The following TLCD5 variants were observed in gnomAD, a reference collection of about 807,000 sequenced individuals.
TLCD5 encodes the protein TLC domain-containing protein 5.
TLCD5 carries 15 observed loss-of-function variants against 20.5 expected under a neutral mutation model. That is an observed-to-expected ratio of 0.73 (90% CI 0.49 to 1.13). The LOEUF (loss-of-function observed/expected upper bound fraction) is 1.13. TLCD5 is among the 50% of genes most tolerant of loss of function. The pLI is 0.00. For synonymous variants in TLCD5, 107 were observed against 114.7 expected, an observed-to-expected ratio of 0.93 and a Z score of 0.43; for missense variants, 289 against 305.6, an observed-to-expected ratio of 0.95 and a Z score of 0.41.
intron 1 of TLCD5, among the ~76,000 whole-genome samples, chr11:120,326,543 G>A (rs568349982): frequency 2.2e-4 from 33 of 152,260 alleles, no homozygotes; most frequent in African/African-American, 7.9e-4. Context: ...CTTTTTATTT[G>A]TACGTTTCAA....
At chr11:120,326,438 A>G (rs1942003350) in intron 1 of TLCD5, among the ~76,000 whole-genome samples, 1 of 152,236 alleles carries the variant, frequency 6.6e-6, no homozygotes, top group Admixed American at 6.5e-5. Context: ...ACGTCCACAG[A>G]TAACTATTTC....
chr11:120,333,675 T>C lies in TLCD5; in HGVS notation c.*3160T>C, dbSNP rs999216285. ...AAATTTTATAAAAGTAAAACAACTT[T>C]TTATAAACCCAGAGTCTGTCTTTAT... On this transcript the variant is annotated 3_prime_UTR_variant, in exon 3 of 3. Coordinates refer to ENST00000375095, the MANE Select transcript of TLCD5 (RefSeq NM_001198671.2). This position sits in a 1 kb window ranked among gnomAD's most constrained non-coding sequence, Gnocchi z 4.5. 5.9e-5 allele frequency: 9 copies of C among 152,212 alleles called. No individual in the cohort carries two copies. Among genetic ancestry groups the C allele is most frequent in the Non-Finnish European group, 1.0e-4 (7 of 68,044 alleles). The allele number at this position is 152,212 out of a possible 1,614,324, so 9.4% of individuals were successfully genotyped here.
At position 120,327,076 on chromosome 11, in the gene TLCD5, C is replaced by T. The variant is rs114074366; in HGVS notation, c.-1-365C>T. Reference sequence around the variant, plus strand: ...CATTGGGGTTTTTGAACTGTGAAGACATTATTTAATACATGTGCTTTATTT... The same window carrying T: ...CATTGGGGTTTTTGAACTGTGAAGATATTATTTAATACATGTGCTTTATTT... On this transcript the variant is annotated intron_variant, in intron 1 of 2. Transcript: ENST00000375095. The T allele has an allele frequency of 3.3e-3, 1,139 of 349,776 alleles. 14 individuals are homozygous for T. The highest frequency in any genetic ancestry group is 0.023 in the African/African-American group (1,088 of 47,896). The allele number at this position is 349,776 out of a possible 1,614,324, so 21.7% of individuals were successfully genotyped here.
At chr11:120,328,507 A>G (rs1449124659) in intron 2 of TLCD5, among the ~76,000 whole-genome samples, 1 of 151,998 alleles carries the variant, frequency 6.6e-6, no homozygotes, top group Admixed American at 6.6e-5. Flanking sequence ...TCGGAGTTCA[A>G]GTTGTTAGCA....
In TLCD5 at chr11:120,333,560, A is replaced by G. The variant is rs888840000; in HGVS notation, c.*3045A>G. On this transcript the variant is annotated 3_prime_UTR_variant, in exon 3 of 3. Coordinates refer to ENST00000375095, the MANE Select transcript of TLCD5 (RefSeq NM_001198671.2). The surrounding 1 kb of genome is among the most constrained non-coding windows in gnomAD (Gnocchi z 4.5). ...GCTAATTAATGTGTGGTATACTTGGACAAAATGAAGTACTCATTTGCACTG... is the reference window on the plus strand; with the variant it reads ...GCTAATTAATGTGTGGTATACTTGGGCAAAATGAAGTACTCATTTGCACTG... The G allele has an allele frequency of 6.6e-6, 1 of 152,238 alleles. No homozygotes were observed. The highest frequency in any genetic ancestry group is 2.4e-5 in the African/African-American group (1 of 41,464). 9.4% of individuals were successfully genotyped at this position (152,238 alleles called of 1,614,324 possible). A position where few individuals can be genotyped will look rare whatever the true frequency, so the allele number is the denominator to read the frequency against.
At chr11:120,325,951 G>A (rs1019106523) in intron 1 of TLCD5, among the ~76,000 whole-genome samples, 5 of 152,202 alleles carry the variant, frequency 3.3e-5, no homozygotes, top group African/African-American at 1.2e-4. Context: ...ATACTAATAG[G>A]CATATCCAAA....
rs923511638 is a variant in TLCD5, at chr11:120,330,592, T to C, written c.*77T>C. 7 of 1,470,102 alleles carry C rather than the reference T, an allele frequency of 4.8e-6. No homozygotes were observed. The highest frequency in any genetic ancestry group is 5.5e-6 in the Non-Finnish European group (6 of 1,100,732). The allele number at this position is 1,470,102 out of a possible 1,614,324, so 91.1% of individuals were successfully genotyped here. ...GTTGGAAATATGACTGTTACATAAT[T>C]ACACTTATAACAAACTTAGGTTTCA... is the stretch of plus-strand genomic sequence containing the variant. On this transcript the variant is annotated 3_prime_UTR_variant, in exon 3 of 3. Transcript: ENST00000375095.
At position 120,333,647 on chromosome 11, in the gene TLCD5, A is replaced by G. The variant is rs1183492401; in HGVS notation, c.*3132A>G. ...CGATTTATATTTCCATAAGATTTGT[A>G]CTAAATTTTATAAAAGTAAAACAAC... On this transcript the variant is annotated 3_prime_UTR_variant, in exon 3 of 3. Coordinates refer to ENST00000375095, the MANE Select transcript of TLCD5 (RefSeq NM_001198671.2). The surrounding 1 kb of genome is among the most constrained non-coding windows in gnomAD (Gnocchi z 4.5). 12 of 152,214 alleles carry G rather than the reference A, an allele frequency of 7.9e-5. No homozygotes were observed. Among genetic ancestry groups the G allele is most frequent in the Admixed American group, 6.5e-4 (10 of 15,280 alleles). 9.4% of individuals were successfully genotyped at this position (152,214 alleles called of 1,614,324 possible).
intron 1 of TLCD5, among the ~76,000 whole-genome samples, chr11:120,326,045 G>GTAT (rs949906374): frequency 7.3e-4 from 111 of 152,242 alleles, no homozygotes; most frequent in African/African-American, 2.5e-3. Context: ...GGGATACTTT[G>GTAT]TATTTCTGGC....
rs1323403179 is a variant in TLCD5, at chr11:120,331,458, A to C, written c.*943A>C. The C allele has an allele frequency of 6.6e-6, 1 of 152,284 alleles. No homozygotes were observed. The highest frequency in any genetic ancestry group is 1.5e-5 in the Non-Finnish European group (1 of 68,098). 9.4% of individuals were successfully genotyped at this position (152,284 alleles called of 1,614,324 possible). On this transcript the variant is annotated 3_prime_UTR_variant, in exon 3 of 3. Coordinates refer to ENST00000375095, the MANE Select transcript of TLCD5 (RefSeq NM_001198671.2). The surrounding 1 kb of genome is among the most constrained non-coding windows in gnomAD (Gnocchi z 4.5). ...CTTTCCCTGGCAGATAGCAAAATTC[A>C]AGACTCTCAAAAGGAAAGCAGGTGT...
chr11:120,330,217 G>T lies in TLCD5; in HGVS notation c.440G>T (p.Arg147Leu). The change falls in exon 3 of 3, where the codon CGG becomes CTG. Residue 147 changes from arginine to leucine, a missense_variant. Physicochemically the swap from Arg to Leu is moderately radical, Grantham distance 102 (BLOSUM62 -2). Coordinates refer to ENST00000375095, the MANE Select transcript of TLCD5 (RefSeq NM_001198671.2). ...NPLLQMRWFL[R>L]ETGHYHSFTG... Reference sequence around the variant, plus strand: ...TTGCTACAGATGCGCTGGTTTCTCCGGGAAACAGGGCACTATCACAGTTTC... The same window carrying T: ...TTGCTACAGATGCGCTGGTTTCTCCTGGAAACAGGGCACTATCACAGTTTC... 1 of 1,556,724 alleles carries T rather than the reference G, an allele frequency of 6.4e-7. No individual in the cohort carries two copies. Among genetic ancestry groups the T allele is most frequent in the Non-Finnish European group, 8.7e-7 (1 of 1,150,906 alleles).
chr11:120,325,993 T>TG (rs1941989876), intron 1 of TLCD5, among the ~76,000 whole-genome samples: 1 of 152,226 alleles, frequency 6.6e-6, no homozygotes, highest in South Asian at 2.1e-4. Context: ...CCAGTGACCC[T>TG]GGCCTTTAGA....
Position 120,330,714 on chromosome 11 carries a change from A to C in TLCD5, c.*199A>C, listed in dbSNP as rs1330196477. Reference sequence around the variant, plus strand: ...CTTCTACAGTAGCACAGTTGTAGAAAGTGAGAATACTCCATGGTAGTTGGG... The same window carrying C: ...CTTCTACAGTAGCACAGTTGTAGAACGTGAGAATACTCCATGGTAGTTGGG... On this transcript the variant is annotated 3_prime_UTR_variant, in exon 3 of 3. Coordinates refer to ENST00000375095, the MANE Select transcript of TLCD5 (RefSeq NM_001198671.2). 1.8e-6 allele frequency: 1 copy of C among 570,140 alleles called. No homozygotes were observed. The highest frequency in any genetic ancestry group is 1.9e-5 in the African/African-American group (1 of 53,750). 35.3% of individuals were successfully genotyped at this position (570,140 alleles called of 1,614,324 possible). A position where few individuals can be genotyped will look rare whatever the true frequency, so the allele number is the denominator to read the frequency against.
rs958864412 is a variant in TLCD5, at chr11:120,331,320, C to A, written c.*805C>A. On this transcript the variant is annotated 3_prime_UTR_variant, in exon 3 of 3. Coordinates refer to ENST00000375095, the MANE Select transcript of TLCD5 (RefSeq NM_001198671.2). This position sits in a 1 kb window ranked among gnomAD's most constrained non-coding sequence, Gnocchi z 4.5. ...TCCCAATGGAATCACACAGGATGCACTTAATTCCCCTAGCAGTGATTTGTT... is the reference window on the plus strand; with the variant it reads ...TCCCAATGGAATCACACAGGATGCAATTAATTCCCCTAGCAGTGATTTGTT... 6.6e-6 allele frequency: 1 copy of A among 152,246 alleles called. No individual in the cohort carries two copies. Among genetic ancestry groups the A allele is most frequent in the African/African-American group, 2.4e-5 (1 of 41,458 alleles). The allele number at this position is 152,246 out of a possible 1,614,324, so 9.4% of individuals were successfully genotyped here.
At position 120,332,550 on chromosome 11, in the gene TLCD5, T is replaced by A. The variant is rs1470571669; in HGVS notation, c.*2035T>A. 6.6e-6 allele frequency: 1 copy of A among 151,928 alleles called. No individual in the cohort carries two copies. Among genetic ancestry groups the A allele is most frequent in the Admixed American group, 6.6e-5 (1 of 15,252 alleles). 9.4% of individuals were successfully genotyped at this position (151,928 alleles called of 1,614,324 possible). A position where few individuals can be genotyped will look rare whatever the true frequency, so the allele number is the denominator to read the frequency against. On this transcript the variant is annotated 3_prime_UTR_variant, in exon 3 of 3. Coordinates refer to ENST00000375095, the MANE Select transcript of TLCD5 (RefSeq NM_001198671.2). The surrounding 1 kb of genome is among the most constrained non-coding windows in gnomAD (Gnocchi z 4.2). ...TGTTGTTGTTGTTGTTGTTGTTGTTTGAGACAGAGTCTTGCTCTGTCGCCC... is the reference window on the plus strand; with the variant it reads ...TGTTGTTGTTGTTGTTGTTGTTGTTAGAGACAGAGTCTTGCTCTGTCGCCC...
At chr11:120,329,455 A>G (rs1374375696) in intron 2 of TLCD5, among the ~76,000 whole-genome samples, 3 of 152,170 alleles carry the variant, frequency 2.0e-5, no homozygotes, top group Non-Finnish European at 4.4e-5. Context: ...CTTAAAACCT[A>G]TGTTCCTGGA....
In TLCD5 at chr11:120,329,875, C is replaced by T. The variant is rs929289447; in HGVS notation, c.200-102C>T. ...CATGTGCCTGCTATTGTTTTTGTTT[C>T]TTTAGTGTCTAGTAAGGTTTGAAAG... On this transcript the variant is annotated intron_variant, in intron 2 of 2. Transcript: ENST00000375095. 9 of 1,199,060 alleles carry T rather than the reference C, an allele frequency of 7.5e-6. No homozygotes were observed. The East Asian group carries it at 1.2e-4, about 16-fold the overall frequency. The allele number at this position is 1,199,060 out of a possible 1,614,324, so 74.3% of individuals were successfully genotyped here.
chr11:120,327,589 C>T lies in TLCD5; in HGVS notation c.148C>T (p.Leu50Phe), dbSNP rs763064121. ...CACCCATGGAGTCCTCTCTATAGGC[C>T]TCTCCGCTTATATTGGCTTCATTGA... is the stretch of plus-strand genomic sequence containing the variant. ...TFTHGVLSIG[L>F]SAYIGFIDGP... The change falls in exon 2 of 3, where the codon CTC becomes TTC. Residue 50 changes from leucine (L) to phenylalanine (F), a missense_variant. Transcript: ENST00000375095. 1.2e-6 allele frequency: 2 copies of T among 1,614,052 alleles called. No individual in the cohort carries two copies. Among genetic ancestry groups the T allele is most frequent in the Non-Finnish European group, 1.7e-6 (2 of 1,180,042 alleles).
In TLCD5 at chr11:120,330,207, T is replaced by A; in HGVS notation, c.430T>A (p.Trp144Arg). The change falls in exon 3 of 3, where the codon TGG (tryptophan) becomes AGG (arginine). Residue 144 changes from tryptophan (W) to arginine (R), a missense_variant. Trp to Arg is a moderately radical substitution (Grantham distance 101, BLOSUM62 -3). Coordinates refer to ENST00000375095, the MANE Select transcript of TLCD5 (RefSeq NM_001198671.2). Reference protein sequence around the residue: ...ELTNPLLQMRWFLRETGHYHS... With the variant: ...ELTNPLLQMRRFLRETGHYHS... ...TACCAACCCCTTGCTACAGATGCGC[T>A]GGTTTCTCCGGGAAACAGGGCACTA... 6.4e-7 allele frequency: 1 copy of A among 1,562,970 alleles called. No individual in the cohort carries two copies. The highest frequency in any genetic ancestry group is 8.7e-7 in the Non-Finnish European group (1 of 1,153,566).
Sources: allele counts gnomAD v4.1 joint callset (sites outside exome capture counted in the v4.1 genomes callset), GRCh38; gene constraint gnomAD v4.1.1; non-coding constraint Gnocchi (gnomAD v3.1); transcripts MANE v1.5; gene names NCBI Gene and HGNC (gene_info 2026-07-23, HGNC 2026-07-21).